PPP1R2C: variants seen among roughly 807,000 people sequenced by gnomAD.
PPP1R2C encodes PPP1R2 family member C, also known as protein phosphatase inhibitor 2 family member C.
For missense variants in PPP1R2C, 118 were observed against 63.1 expected, an observed-to-expected ratio of 1.87 and a Z score of -2.95; for synonymous variants, 58 against 27.9, an observed-to-expected ratio of 2.08 and a Z score of -3.39.
Position 42,777,717 on chromosome X carries a change from G to C in PPP1R2C, c.363C>G (p.Ala121=). The change falls in exon 1 of 1, where the codon GCC becomes GCG. Residue 121 remains alanine (A), a synonymous_variant. Transcript: ENST00000378131. ...TGTGGAGGAGGATTTTTCTCATGTA[G>C]GCCTCACTGCTCTCTTGCTCGTCCA... The part of the protein sequence containing the change: ...CEVDEQESSE[A]YMRKILLHKQ... 1 of 514,990 alleles carries C rather than the reference G, an allele frequency of 1.9e-6. No homozygotes were observed. The highest frequency in any genetic ancestry group is 3.5e-6 in the Non-Finnish European group (1 of 286,964). 42.4% of individuals were successfully genotyped at this position (514,990 alleles called of 1,213,427 possible).
At position 42,777,766 on chromosome X, in the gene PPP1R2C, T is replaced by A. The variant is rs759840578; in HGVS notation, c.314A>T (p.Asp105Val). 1.9e-6 allele frequency: 1 copy of A among 515,189 alleles called. No individual in the cohort carries two copies. The highest frequency in any genetic ancestry group is 2.5e-5 in the South Asian group (1 of 40,697). 42.5% of individuals were successfully genotyped at this position (515,189 alleles called of 1,213,427 possible). ...CACCTCACAGCTGTGGTCGGAAGCATCGGTGGCTTCCTTTCCTTCGACACC... is the reference window on the plus strand; with the variant it reads ...CACCTCACAGCTGTGGTCGGAAGCAACGGTGGCTTCCTTTCCTTCGACACC... ...VRGVEGKEATDASDHSCEVDE... is the reference protein window; with the variant it reads ...VRGVEGKEATVASDHSCEVDE... The change falls in exon 1 of 1, where the codon GAT (aspartate) becomes GTT (valine). Residue 105 changes from aspartate to valine, a missense_variant. By Grantham distance (152) the Asp-to-Val change is radical. Coordinates refer to ENST00000378131, the MANE Select transcript of PPP1R2C (RefSeq NM_025210.2).
At position 42,778,142 on chromosome X, in the gene PPP1R2C, C is replaced by T; in HGVS notation, c.-63G>A. 1 of 467,208 alleles carries T rather than the reference C, an allele frequency of 2.1e-6. No homozygotes were observed. 38.5% of individuals were successfully genotyped at this position (467,208 alleles called of 1,213,427 possible). On this transcript the variant is annotated 5_prime_UTR_variant, in exon 1 of 1. Coordinates refer to ENST00000378131, the MANE Select transcript of PPP1R2C (RefSeq NM_025210.2). ...GAGTAGCCGTCCACCGCCCTCCAGT[C>T]TGAAACTGCAGGGCGGTCTGTGTGG... is the stretch of plus-strand genomic sequence containing the variant.
rs780679061 is a variant in PPP1R2C at position 42,777,854 on chromosome X, T to C, written c.226A>G (p.Met76Val). 1.8e-4 allele frequency: 91 copies of C among 513,421 alleles called. No individual in the cohort carries two copies. In the East Asian group the frequency reaches 3.3e-3, roughly 18 times the overall value. 42.3% of individuals were successfully genotyped at this position (513,421 alleles called of 1,213,427 possible). A position where few individuals can be genotyped will look rare whatever the true frequency, so the allele number is the denominator to read the frequency against. The change falls in exon 1 of 1, where the codon ATG (methionine) becomes GTG (valine). Residue 76 changes from methionine (M) to valine (V), a missense_variant. Transcript: ENST00000378131. ...TCTTCCCCATTATCTTGCACACTCA[T>C]GTAGGAAGTGCCGGGCTCATTTGCC... is the stretch of plus-strand genomic sequence containing the variant. ...MKANEPGTSYMSVQDNGEDSV... is the reference protein window; with the variant it reads ...MKANEPGTSYVSVQDNGEDSV...
Position 42,778,106 on chromosome X carries a change from G to C in PPP1R2C, c.-27C>G. 1 of 491,708 alleles carries C rather than the reference G, an allele frequency of 2.0e-6. No homozygotes were observed. 40.5% of individuals were successfully genotyped at this position (491,708 alleles called of 1,213,427 possible). ...TTGCGGAGAGAAGGGCTGCGAGAGA[G>C]TTGGGCCGCTGAGTAGCCGTCCACC... On this transcript the variant is annotated 5_prime_UTR_variant, in exon 1 of 1. Transcript: ENST00000378131.
In PPP1R2C at chrX:42,777,718, G is replaced by T; in HGVS notation, c.362C>A (p.Ala121Asp). ...CEVDEQESSEAYMRKILLHKQ... is the reference protein window; with the variant it reads ...CEVDEQESSEDYMRKILLHKQ... Reference sequence around the variant, plus strand: ...GTGGAGGAGGATTTTTCTCATGTAGGCCTCACTGCTCTCTTGCTCGTCCAC... The same window carrying T: ...GTGGAGGAGGATTTTTCTCATGTAGTCCTCACTGCTCTCTTGCTCGTCCAC... Residue 121 changes from alanine (A) to aspartate (D), a missense_variant, in exon 1 of 1, where the codon GCC (alanine) becomes GAC (aspartate). Transcript: ENST00000378131. 1.9e-6 allele frequency: 1 copy of T among 514,998 alleles called. No individual in the cohort carries two copies. Among genetic ancestry groups the T allele is most frequent in the Non-Finnish European group, 3.5e-6 (1 of 286,963 alleles). The allele number at this position is 514,998 out of a possible 1,213,427, so 42.4% of individuals were successfully genotyped here.
In PPP1R2C at chrX:42,777,911, G is replaced by A. The variant is rs749062995; in HGVS notation, c.169C>T (p.Arg57Cys). Residue 57 changes from arginine to cysteine, a missense_variant, in exon 1 of 1, where the codon CGC (arginine) becomes TGC (cysteine). Transcript: ENST00000378131. Reference sequence around the variant, plus strand: ...AAATCGTAATCTCTGTACGTTGCGCGGTGTGCCGCAAGGATGCTTGATTCG... The same window carrying A: ...AAATCGTAATCTCTGTACGTTGCGCAGTGTGCCGCAAGGATGCTTGATTCG... ...WDESSILAAH[R>C]ATYRDYDLMK... The A allele has an allele frequency of 5.8e-6, 3 of 513,648 alleles. No homozygotes were observed. In the African/African-American group the frequency reaches 6.9e-5, roughly 12 times the overall value. The allele number at this position is 513,648 out of a possible 1,213,427, so 42.3% of individuals were successfully genotyped here.
rs1358040760 is a variant in PPP1R2C, at chrX:42,778,052, G to A, written c.28C>T (p.Pro10Ser). 1.9e-6 allele frequency: 1 copy of A among 513,441 alleles called. No homozygotes were observed. The highest frequency in any genetic ancestry group is 3.5e-6 in the Non-Finnish European group (1 of 286,065). 42.3% of individuals were successfully genotyped at this position (513,441 alleles called of 1,213,427 possible). Residue 10 changes from proline (P) to serine (S), a missense_variant, in exon 1 of 1, where the codon CCC (proline) becomes TCC (serine). Coordinates refer to ENST00000378131, the MANE Select transcript of PPP1R2C (RefSeq NM_025210.2). ...TTGTTTTTCAGGATCCCCTTGATGG[G>A]CCGGTGCGAGGAGGTGGAGGCTGAC... MSASTSSHRPIKGILKNKSS... is the reference protein window; with the variant it reads MSASTSSHRSIKGILKNKSS...
chrX:42,777,635 A>G lies in PPP1R2C; in HGVS notation c.445T>C (p.Leu149=), dbSNP rs1169726722. The stretch of plus-strand genomic sequence containing the variant: ...AATTGTCTAGCTAATTTGATGTTCA[A>G]TTCTTCGTTGTAGTGAAGCCTTCTT... ...MRRRLHYNEE[L]NIKLARQLMW... is the part of the protein sequence containing the mutation. Residue 149 remains leucine (L), a synonymous_variant, in exon 1 of 1, where the codon TTG becomes CTG. Transcript: ENST00000378131. The G allele has an allele frequency of 7.8e-6, 4 of 513,743 alleles. No individual in the cohort carries two copies. Among genetic ancestry groups the G allele is most frequent in the Admixed American group, 5.3e-5 (2 of 37,770 alleles). 42.3% of individuals were successfully genotyped at this position (513,743 alleles called of 1,213,427 possible). A position where few individuals can be genotyped will look rare whatever the true frequency, so the allele number is the denominator to read the frequency against.
rs964192589 is a variant in PPP1R2C at position 42,778,131 on chromosome X, C to T, written c.-52G>A. On this transcript the variant is annotated 5_prime_UTR_variant, in exon 1 of 1. Coordinates refer to ENST00000378131, the MANE Select transcript of PPP1R2C (RefSeq NM_025210.2). ...GTTGGGCCGCTGAGTAGCCGTCCACCGCCCTCCAGTCTGAAACTGCAGGGC... is the reference window on the plus strand; with the variant it reads ...GTTGGGCCGCTGAGTAGCCGTCCACTGCCCTCCAGTCTGAAACTGCAGGGC... 3 of 469,757 alleles carry T rather than the reference C, an allele frequency of 6.4e-6. No homozygotes were observed. The highest frequency in any genetic ancestry group is 3.0e-5 in the South Asian group (1 of 33,047). 38.7% of individuals were successfully genotyped at this position (469,757 alleles called of 1,213,427 possible).
chrX:42,777,850 C>T lies in PPP1R2C; in HGVS notation c.230G>A (p.Ser77Asn), dbSNP rs184724978. The T allele has an allele frequency of 1.6e-5, 8 of 513,442 alleles. No homozygotes were observed. The highest frequency in any genetic ancestry group is 6.9e-5 in the African/African-American group (3 of 43,311). The allele number at this position is 513,442 out of a possible 1,213,427, so 42.3% of individuals were successfully genotyped here. A position where few individuals can be genotyped will look rare whatever the true frequency, so the allele number is the denominator to read the frequency against. Residue 77 changes from serine to asparagine, a missense_variant, in exon 1 of 1, where the codon AGT becomes AAT. By Grantham distance (46) the Ser-to-Asn change is conservative. Coordinates refer to ENST00000378131, the MANE Select transcript of PPP1R2C (RefSeq NM_025210.2). The part of the protein sequence containing the change: ...KANEPGTSYM[S>N]VQDNGEDSVR... ...TGAATCTTCCCCATTATCTTGCACA[C>T]TCATGTAGGAAGTGCCGGGCTCATT...
chrX:42,777,438 C>G lies in PPP1R2C; in HGVS notation c.*33G>C. 6.2e-6 allele frequency: 3 copies of G among 484,632 alleles called. No homozygotes were observed. The highest frequency in any genetic ancestry group is 1.1e-5 in the Non-Finnish European group (3 of 274,894). The allele number at this position is 484,632 out of a possible 1,213,427, so 39.9% of individuals were successfully genotyped here. On this transcript the variant is annotated 3_prime_UTR_variant, in exon 1 of 1. Coordinates refer to ENST00000378131, the MANE Select transcript of PPP1R2C (RefSeq NM_025210.2). ...AGATATCTTCTAAGCGTCACATATT[C>G]ACAAACAATTGCAAGGGTGAAGCAG... is the stretch of plus-strand genomic sequence containing the variant.
In PPP1R2C at chrX:42,777,569, C is replaced by G. The variant is rs1034764240; in HGVS notation, c.511G>C (p.Glu171Gln). 3.9e-6 allele frequency: 2 copies of G among 514,320 alleles called. No homozygotes were observed. The highest frequency in any genetic ancestry group is 4.6e-5 in the African/African-American group (2 of 43,521). 42.4% of individuals were successfully genotyped at this position (514,320 alleles called of 1,213,427 possible). A position where few individuals can be genotyped will look rare whatever the true frequency, so the allele number is the denominator to read the frequency against. The change falls in exon 1 of 1, where the codon GAA (glutamate) becomes CAA (glutamine). Residue 171 changes from glutamate (E) to glutamine (Q), a missense_variant. Physicochemically the swap from Glu to Gln is conservative, Grantham distance 29. Transcript: ENST00000378131. ...ELQSEDNENE[E>Q]TPQGTNEEKT... ...TCTTCGTTCGTGCCTTGTGGCGTTTCTTCGTTTTCATTATCTTCACTTTGT... is the reference window on the plus strand; with the variant it reads ...TCTTCGTTCGTGCCTTGTGGCGTTTGTTCGTTTTCATTATCTTCACTTTGT...
At position 42,778,052 on chromosome X, in the gene PPP1R2C, G is replaced by T; in HGVS notation, c.28C>A (p.Pro10Thr). The T allele has an allele frequency of 1.9e-6, 1 of 513,441 alleles. No individual in the cohort carries two copies. The allele number at this position is 513,441 out of a possible 1,213,427, so 42.3% of individuals were successfully genotyped here. Reference protein sequence around the residue: MSASTSSHRPIKGILKNKSS... With the variant: MSASTSSHRTIKGILKNKSS... ...TTGTTTTTCAGGATCCCCTTGATGG[G>T]CCGGTGCGAGGAGGTGGAGGCTGAC... is the stretch of plus-strand genomic sequence containing the variant. The change falls in exon 1 of 1, where the codon CCC becomes ACC. Residue 10 changes from proline to threonine, a missense_variant. Transcript: ENST00000378131.
rs1450008495 is a variant in PPP1R2C at position 42,777,990 on chromosome X, C to G, written c.90G>C (p.Gln30His). The G allele has an allele frequency of 3.9e-6, 2 of 515,273 alleles. No individual in the cohort carries two copies. Among genetic ancestry groups the G allele is most frequent in the African/African-American group, 4.6e-5 (2 of 43,846 alleles). The allele number at this position is 515,273 out of a possible 1,213,427, so 42.5% of individuals were successfully genotyped here. A position where few individuals can be genotyped will look rare whatever the true frequency, so the allele number is the denominator to read the frequency against. The part of the protein sequence containing the change: ...SSGSSVATSG[Q>H]QSGGTIQDVK... ...CATCTTGAATAGTCCCTCCAGACTG[C>G]TGACCGGAAGTCGCCACCGAGGAAC... Residue 30 changes from glutamine to histidine, a missense_variant, in exon 1 of 1, where the codon CAG becomes CAC. Physicochemically the swap from Gln to His is conservative, Grantham distance 24. Coordinates refer to ENST00000378131, the MANE Select transcript of PPP1R2C (RefSeq NM_025210.2).
chrX:42,777,480 G>A lies in PPP1R2C; in HGVS notation c.600C>T (p.Cys200=), dbSNP rs1479347863. Residue 200 remains cysteine, a synonymous_variant, in exon 1 of 1, where the codon TGC becomes TGT. Transcript: ENST00000378131. ...PLTGGLQTQS[C]DP is the part of the protein sequence containing the mutation. ...GTGAAGCAGGCATCTTCTAAGGGTC[G>A]CATGACTGGGTTTGCAGTCCACCGG... The A allele has an allele frequency of 3.9e-6, 2 of 509,643 alleles. No individual in the cohort carries two copies. The highest frequency in any genetic ancestry group is 3.6e-5 in the East Asian group (1 of 27,700). 42.0% of individuals were successfully genotyped at this position (509,643 alleles called of 1,213,427 possible).
In PPP1R2C at chrX:42,777,589, C is replaced by G. The variant is rs1487904149; in HGVS notation, c.491G>C (p.Ser164Thr). 1 of 515,448 alleles carries G rather than the reference C, an allele frequency of 1.9e-6. No individual in the cohort carries two copies. The highest frequency in any genetic ancestry group is 2.5e-5 in the South Asian group (1 of 40,748). 42.5% of individuals were successfully genotyped at this position (515,448 alleles called of 1,213,427 possible). The stretch of plus-strand genomic sequence containing the variant: ...CGTTTCTTCGTTTTCATTATCTTCA[C>G]TTTGTAGCTCTTTCCACATTAATTG... Reference protein sequence around the residue: ...ARQLMWKELQSEDNENEETPQ... With the variant: ...ARQLMWKELQTEDNENEETPQ... Residue 164 changes from serine (S) to threonine (T), a missense_variant, in exon 1 of 1, where the codon AGT becomes ACT. Ser to Thr is a moderately conservative substitution (Grantham distance 58, BLOSUM62 1). Coordinates refer to ENST00000378131, the MANE Select transcript of PPP1R2C (RefSeq NM_025210.2).
Position 42,778,081 on chromosome X carries a change from T to TA in PPP1R2C, c.-3_-2insT, listed in dbSNP as rs1471425133. ...GTGCGAGGAGGTGGAGGCTGACATT[T>TA]TGCGGAGAGAAGGGCTGCGAGAGAG... On this transcript the variant is annotated 5_prime_UTR_variant, in exon 1 of 1. Coordinates refer to ENST00000378131, the MANE Select transcript of PPP1R2C (RefSeq NM_025210.2). 3.0e-5 allele frequency: 15 copies of TA among 503,805 alleles called. No individual in the cohort carries two copies. The highest frequency in any genetic ancestry group is 6.4e-4 in the Middle Eastern group (2 of 3,113). 41.5% of individuals were successfully genotyped at this position (503,805 alleles called of 1,213,427 possible). A position where few individuals can be genotyped will look rare whatever the true frequency, so the allele number is the denominator to read the frequency against.
rs1362187318 is a variant in PPP1R2C, at chrX:42,778,076, A to C, written c.4T>G (p.Ser2Ala). 4 of 504,763 alleles carry C rather than the reference A, an allele frequency of 7.9e-6. No homozygotes were observed. The highest frequency in any genetic ancestry group is 1.4e-5 in the Non-Finnish European group (4 of 282,489). 41.6% of individuals were successfully genotyped at this position (504,763 alleles called of 1,213,427 possible). Reference sequence around the variant, plus strand: ...GGCCGGTGCGAGGAGGTGGAGGCTGACATTTTGCGGAGAGAAGGGCTGCGA... The same window carrying C: ...GGCCGGTGCGAGGAGGTGGAGGCTGCCATTTTGCGGAGAGAAGGGCTGCGA... M[S>A]ASTSSHRPIK... Residue 2 changes from serine (S) to alanine (A), a missense_variant, in exon 1 of 1, where the codon TCA (serine) becomes GCA (alanine). Ser to Ala is a moderately conservative substitution (Grantham distance 99, BLOSUM62 1). Coordinates refer to ENST00000378131, the MANE Select transcript of PPP1R2C (RefSeq NM_025210.2).
Position 42,777,676 on chromosome X carries a change from C to T in PPP1R2C, c.404G>A (p.Arg135Gln). ...KILLHKQEKK[R>Q]QFEMRRRLHY... The stretch of plus-strand genomic sequence containing the variant: ...AAGCCTTCTTCTCATTTCGAACTGC[C>T]GCTTTTTCTCCTGTTTGTGGAGGAG... The change falls in exon 1 of 1, where the codon CGG (arginine) becomes CAG (glutamine). Residue 135 changes from arginine (R) to glutamine (Q), a missense_variant. Transcript: ENST00000378131. 2 of 515,362 alleles carry T rather than the reference C, an allele frequency of 3.9e-6. No individual in the cohort carries two copies. Among genetic ancestry groups the T allele is most frequent in the Non-Finnish European group, 3.5e-6 (1 of 287,083 alleles). The allele number at this position is 515,362 out of a possible 1,213,427, so 42.5% of individuals were successfully genotyped here. A position where few individuals can be genotyped will look rare whatever the true frequency, so the allele number is the denominator to read the frequency against.
Sources: allele counts gnomAD v4.1 joint callset, GRCh38; gene constraint gnomAD v4.1.1; transcripts MANE v1.5; gene names NCBI Gene and HGNC (gene_info 2026-07-23, HGNC 2026-07-21).